BPNT1: variants seen among roughly 807,000 people sequenced by gnomAD.
The protein encoded by BPNT1 is 3'(2'), 5'-bisphosphate nucleotidase 1, also known as 3'(2'),5'-bisphosphate nucleotidase 1.
In BPNT1, 28 loss-of-function variants were observed where a neutral mutation model predicts 36.9. That is an observed-to-expected ratio of 0.76 (90% CI 0.56 to 1.04). The LOEUF (loss-of-function observed/expected upper bound fraction) is 1.04. Ranked by LOEUF, BPNT1 falls within the 50% of genes least tolerant of loss-of-function variation. The probability of loss-of-function intolerance (pLI) is 0.00; values close to 1 mark genes in which losing one functional copy is unlikely to be tolerated. For missense variants in BPNT1, 313 were observed against 372.9 expected (o/e 0.84, Z 1.32); for synonymous variants, 119 against 130.9 (o/e 0.91, Z 0.62).
chr1:220,087,046 C>CAAA (rs1195166426), intron 1 of BPNT1, among the ~76,000 whole-genome samples: 1 of 51,250 alleles, frequency 2.0e-5, no homozygotes, highest in Non-Finnish European at 4.0e-5. Context: ...GACTCCGTCT[C>CAAA]AAAAAAAAAA....
chr1:220,085,373 G>GCCTT (rs1558106035), intron 1 of BPNT1, among the ~76,000 whole-genome samples: 3 of 152,172 alleles, frequency 2.0e-5, no homozygotes, highest in Non-Finnish European at 4.4e-5. Flanking sequence ...AGTGCTTAAG[G>GCCTT]GCACAGGCTC....
At chr1:220,078,664 C>T (rs1664825660) in intron 2 of BPNT1, among the ~76,000 whole-genome samples, 1 of 150,404 alleles carries the variant, frequency 6.6e-6, no homozygotes, top group Admixed American at 6.7e-5. Context: ...ATGGTGTGAT[C>T]TCAGCTCACT....
chr1:220,076,148 C>T (rs2102714126), intron 2 of BPNT1, among the ~76,000 whole-genome samples: 1 of 152,068 alleles, frequency 6.6e-6, no homozygotes, highest in South Asian at 2.1e-4. Flanking sequence ...GCAGGTAGAT[C>T]ACAAGGTCAG....
In BPNT1 at chr1:220,074,048, G is replaced by C; in HGVS notation, c.144C>G (p.Thr48=). ...TCATCTGTGCCAATCGGTCAGCTTTGGTCTGCAGGTCTGTTGCACAGGTCT... is the reference window on the plus strand; with the variant it reads ...TCATCTGTGCCAATCGGTCAGCTTTCGTCTGCAGGTCTGTTGCACAGGTCT... ...VEKTCATDLQ[T]KADRLAQMSI... The change falls in exon 3 of 9, where the codon ACC becomes ACG. Residue 48 remains threonine, a synonymous_variant. Coordinates refer to ENST00000322067, the MANE Select transcript of BPNT1 (RefSeq NM_006085.6). 6.2e-7 allele frequency: 1 copy of C among 1,613,862 alleles called. No homozygotes were observed. Among genetic ancestry groups the C allele is most frequent in the Non-Finnish European group, 8.5e-7 (1 of 1,179,974 alleles).
intron 2 of BPNT1, among the ~76,000 whole-genome samples, chr1:220,077,360 T>C (rs549249355): frequency 6.6e-6 from 1 of 152,080 alleles, no homozygotes. Context: ...AAAAAGGAAA[T>C]GAGATTTATT....
At chr1:220,067,568 C>T (rs1663652050) in intron 5 of BPNT1, among the ~76,000 whole-genome samples, 175 bp from the exon 6 acceptor site, 1 of 152,114 alleles carries the variant, frequency 6.6e-6, no homozygotes, top group African/African-American at 2.4e-5. Context: ...CAGAAACAGC[C>T]ATAGGATCTA....
At chr1:220,083,994 A>C (rs1655467285) in intron 1 of BPNT1, among the ~76,000 whole-genome samples, 1 of 152,142 alleles carries the variant, frequency 6.6e-6, no homozygotes, top group African/African-American at 2.4e-5. Flanking sequence ...ATGTGGAATA[A>C]ACCAGTTACA....
intron 2 of BPNT1, among the ~76,000 whole-genome samples, chr1:220,076,352 T>A (rs1349254312): frequency 2.6e-5 from 4 of 151,748 alleles, no homozygotes; most frequent in African/African-American, 9.7e-5. Context: ...TACAAAAAAA[T>A]TAGCTGGGTG....
rs754849098 is a variant in BPNT1 at position 220,072,915 on chromosome 1, T to C, written c.268A>G (p.Ser90Gly). Residue 90 changes from serine (S) to glycine (G), a missense_variant, in exon 4 of 9, where the codon AGT (serine) becomes GGT (glycine). Ser to Gly is a moderately conservative substitution (Grantham distance 56, BLOSUM62 0). Coordinates refer to ENST00000322067, the MANE Select transcript of BPNT1 (RefSeq NM_006085.6). ...EEVDQELIED[S>G]QWEEILKQPC... The stretch of plus-strand genomic sequence containing the variant: ...TGCTTCAGTATTTCTTCCCACTGAC[T>C]GTCTTCAATCAGCTCTTGATCCACT... 5.0e-6 allele frequency: 8 copies of C among 1,614,080 alleles called. No homozygotes were observed. In the South Asian group the frequency reaches 7.7e-5, roughly 16 times the overall value.
intron 2 of BPNT1, among the ~76,000 whole-genome samples, chr1:220,076,134 CG>C (rs987321945): frequency 2.0e-5 from 3 of 151,636 alleles, no homozygotes; most frequent in African/African-American, 7.3e-5. Flanking sequence ...TTTGGGAGGC[CG>C]AGGCAGGTAG....
At chr1:220,072,737 G>T in intron 4 of BPNT1, 113 bp downstream of exon 4, 1 of 762,008 alleles carries the variant, frequency 1.3e-6, no homozygotes, top group Middle Eastern at 3.5e-4. Context: ...TCAAGTTTCT[G>T]GTTGCCCCTA....
intron 5 of BPNT1, among the ~76,000 whole-genome samples, chr1:220,069,005 T>A (rs921941829): frequency 6.6e-6 from 1 of 151,954 alleles, no homozygotes; most frequent in African/African-American, 2.4e-5. Flanking sequence ...GGAGAGTGAA[T>A]GGGGAGGGCA....
At chr1:220,070,124 G>A (rs1257693900) in intron 4 of BPNT1, among the ~76,000 whole-genome samples, 1 of 151,898 alleles carries the variant, frequency 6.6e-6, no homozygotes, top group Non-Finnish European at 1.5e-5. Flanking sequence ...TATAAGTGCT[G>A]ATTTTAAAAA....
chr1:220,070,439 G>C (rs375758785), intron 4 of BPNT1, among the ~76,000 whole-genome samples: 2 of 151,934 alleles, frequency 1.3e-5, no homozygotes, highest in South Asian at 4.2e-4. Context: ...TCTGCCTCCC[G>C]GGTTCATGCC....
chr1:220,080,137 G>A (rs1664969384), intron 1 of BPNT1, among the ~76,000 whole-genome samples: 1 of 152,214 alleles, frequency 6.6e-6, no homozygotes, highest in South Asian at 2.1e-4. Context: ...GAAAAAGTTT[G>A]TGTATGAGGT....
intron 1 of BPNT1, among the ~76,000 whole-genome samples, chr1:220,086,875 C>T (rs914216969): frequency 2.0e-5 from 3 of 150,024 alleles, no homozygotes; most frequent in African/African-American, 7.4e-5. Flanking sequence ...GCCTGAGTTG[C>T]TAAACTTAAA....
At chr1:220,086,758 T>C (rs1655765346) in intron 1 of BPNT1, among the ~76,000 whole-genome samples, 1 of 151,650 alleles carries the variant, frequency 6.6e-6, no homozygotes, top group Non-Finnish European at 1.5e-5. Context: ...GTACTGTTAA[T>C]AGAGATGGGG....
At chr1:220,088,166 G>A (rs1048806537) in intron 1 of BPNT1, among the ~76,000 whole-genome samples, 46 of 151,354 alleles carry the variant, frequency 3.0e-4, no homozygotes, top group South Asian at 6.3e-4. Flanking sequence ...CCACCGCGCC[G>A]GGCCATGATT....
intron 2 of BPNT1, among the ~76,000 whole-genome samples, chr1:220,075,187 G>A (rs1377871098): frequency 1.3e-5 from 2 of 152,114 alleles, no homozygotes; most frequent in Non-Finnish European, 2.9e-5. Flanking sequence ...GGGACTGCAG[G>A]TGTCCCCCAC....
Sources: gnomAD v4.1 joint callset for allele counts (sites outside exome capture counted in the v4.1 genomes callset) on GRCh38, gnomAD v4.1.1 for gene constraint, MANE v1.5 for transcripts, NCBI Gene and HGNC (gene_info 2026-07-23, HGNC 2026-07-21) for gene names.